The following PLEKHG4B variants were observed in gnomAD, a reference collection of about 807,000 sequenced individuals.
PLEKHG4B encodes the protein pleckstrin homology and RhoGEF domain containing G4B.
Under a neutral mutation model 121.3 loss-of-function variants are expected in PLEKHG4B, and 111 were observed. The observed-to-expected ratio is 0.92, with a 90% CI of 0.78 to 1.07. PLEKHG4B has a LOEUF of 1.07. Among genes scored for constraint, PLEKHG4B ranks in the 50% least tolerant of loss-of-function variants. PLEKHG4B has a pLI of 0.00. For synonymous variants in PLEKHG4B, 738 were observed against 725.0 expected, an observed-to-expected ratio of 1.02 and a Z score of -0.29; for missense variants, 1,831 against 1,757.8, an observed-to-expected ratio of 1.04 and a Z score of -0.74.
chr5:92,687 G>T (rs539012608), intron 1 of PLEKHG4B, among the ~76,000 whole-genome samples: 1 of 151,800 alleles, frequency 6.6e-6, no homozygotes, highest in African/African-American at 2.4e-5. Context: ...AAGAAATAAC[G>T]CTTTCTGGAC....
intron 1 of PLEKHG4B, among the ~76,000 whole-genome samples, chr5:92,892 T>C (rs966005928): frequency 2.0e-5 from 3 of 152,144 alleles, no homozygotes; most frequent in African/African-American, 7.2e-5. Flanking sequence ...GCTAGTTGAT[T>C]TGAGTAAGAA....
In PLEKHG4B at chr5:152,699, T is replaced by C. The variant is rs1319650689; in HGVS notation, c.1992+1100T>C. Among the ~76,000 whole-genome samples the C allele has an allele frequency of 1.8e-4, 27 of 152,198 alleles. 1 individual carries two copies. Among genetic ancestry groups the C allele is most frequent in the Admixed American group, 1.8e-3 (27 of 15,278 alleles). ...CACTGGCTCCTTACTCTGTCATCTC[T>C]TCAGCTGTTAAACTCACTAATGTGG... On this transcript the variant is annotated intron_variant, in intron 7 of 19. Transcript: ENST00000637938.
rs1735117539 is a variant in PLEKHG4B at position 140,278 on chromosome 5, C to T, written c.1039C>T (p.Gln347Ter). The change falls in exon 3 of 20, where the codon CAG becomes TAG. Residue 347 changes from glutamine to a stop codon, truncating the protein, a stop_gained. Transcript: ENST00000637938. LOFTEE classifies it high-confidence loss of function. ...RRPPGDPTCV[Q>*]PRRWFRESYM... The stretch of plus-strand genomic sequence containing the variant: ...GCCGCCGGGGGACCCCACTTGTGTG[C>T]AGCCTAGACGCTGGTTCAGGGAGTC... The T allele has an allele frequency of 1.4e-6, 2 of 1,463,558 alleles. No individual in the cohort carries two copies. The highest frequency in any genetic ancestry group is 4.9e-5 in the East Asian group (2 of 40,438). 90.7% of individuals were successfully genotyped at this position (1,463,558 alleles called of 1,614,324 possible). A position where few individuals can be genotyped will look rare whatever the true frequency, so the allele number is the denominator to read the frequency against.
chr5:144,341 T>C (rs1368017266), intron 5 of PLEKHG4B: 1 of 152,770 alleles, frequency 6.5e-6, no homozygotes, highest in African/African-American at 2.4e-5. Context: ...GATGGTATTT[T>C]TAGTTTTAAA....
In PLEKHG4B at chr5:186,437, T is replaced by G. The variant is rs1733629825; in HGVS notation, c.*4114T>G. 6.6e-6 allele frequency: 1 copy of G among 152,260 alleles called. No individual in the cohort carries two copies. Among genetic ancestry groups the G allele is most frequent in the African/African-American group, 2.4e-5 (1 of 41,454 alleles). The allele number at this position is 152,260 out of a possible 1,614,324, so 9.4% of individuals were successfully genotyped here. On this transcript the variant is annotated 3_prime_UTR_variant, in exon 20 of 20. Transcript: ENST00000637938. ...TTCTGGACCCGTGAGCTGAAGCAGG[T>G]GCTGAGAAGTGGGAGAGGCGGCCAC... is the stretch of plus-strand genomic sequence containing the variant.
At chr5:140,837 ACCACAACCTCCCCTGCACACCC>A in intron 3 of PLEKHG4B, 121 bp downstream of exon 3, 1 of 324,234 alleles carries the variant, frequency 3.1e-6, no homozygotes, top group Non-Finnish European at 4.8e-6. Context: ...CCTGCACACC[ACCACAACCTCCCCTGCACACCC>A]CCACCCTCTC....
intron 2 of PLEKHG4B, among the ~76,000 whole-genome samples, chr5:129,896 A>G (rs1443546908): frequency 6.6e-6 from 1 of 152,222 alleles, no homozygotes; most frequent in African/African-American, 2.4e-5. Flanking sequence ...GGAATGTACA[A>G]CTTAGAATGT....
intron 1 of PLEKHG4B, among the ~76,000 whole-genome samples, chr5:95,443 T>C (rs1733603475): frequency 6.6e-6 from 1 of 152,192 alleles, no homozygotes; most frequent in Non-Finnish European, 1.5e-5. Flanking sequence ...GGGGAGGGTC[T>C]GCATACGATG....
intron 18 of PLEKHG4B, among the ~76,000 whole-genome samples, chr5:177,902 C>T (rs1560956753): frequency 1.3e-5 from 2 of 152,168 alleles, no homozygotes; most frequent in East Asian, 1.9e-4. Flanking sequence ...GTTGGGGGAA[C>T]GTGAGGATGC....
rs1318264172 is a variant in PLEKHG4B at position 159,200 on chromosome 5, G to A, written c.2487+2289G>A. Reference sequence around the variant, plus strand: ...GCACTGAGAGCAGGTGTGCCTGAGGGTGGCCCAGGTGTGCCTGAGGGTCGC... The same window carrying A: ...GCACTGAGAGCAGGTGTGCCTGAGGATGGCCCAGGTGTGCCTGAGGGTCGC... On this transcript the variant is annotated intron_variant, in intron 11 of 19. Transcript: ENST00000637938. This position sits in a 1 kb window ranked among gnomAD's most constrained non-coding sequence, Gnocchi z 5.5. 6.6e-6 allele frequency among the ~76,000 whole-genome samples: 1 copy of A among 151,350 alleles called. No individual in the cohort carries two copies. The highest frequency in any genetic ancestry group is 1.5e-5 in the Non-Finnish European group (1 of 67,820).
At chr5:162,620 C>G in intron 12 of PLEKHG4B, 102 bp from the exon 13 acceptor site, 1 of 876,440 alleles carries the variant, frequency 1.1e-6, no homozygotes. Flanking sequence ...TTTCTGGCCC[C>G]CTGGTCCCTG....
At chr5:168,950 A>T (rs1231389103) in intron 13 of PLEKHG4B, 1 of 212,838 alleles carries the variant, frequency 4.7e-6, no homozygotes, top group East Asian at 1.4e-4. Context: ...ATCTCGCCTC[A>T]CTGCAGCATC....
At position 113,321 on chromosome 5, in the gene PLEKHG4B, C is replaced by T; in HGVS notation, c.116C>T (p.Ala39Val). The change falls in exon 2 of 20, where the codon GCA becomes GTA. Residue 39 changes from alanine to valine, a missense_variant. Ala to Val is a moderately conservative substitution (Grantham distance 64). Transcript: ENST00000637938. This position sits in a 1 kb window ranked among gnomAD's most constrained non-coding sequence, Gnocchi z 5.2. ...TTGTACCCACCGTTTGAAGCCACGG[C>T]AGCCACGGTGCTCTGGCAGCTGTTC... ...SALYPPFEAT[A>V]ATVLWQLFSV... The T allele has an allele frequency of 2.5e-6, 1 of 399,110 alleles. No homozygotes were observed. The highest frequency in any genetic ancestry group is 3.6e-5 in the East Asian group (1 of 28,080). The allele number at this position is 399,110 out of a possible 1,614,324, so 24.7% of individuals were successfully genotyped here.
intron 1 of PLEKHG4B, among the ~76,000 whole-genome samples, chr5:112,494 G>C (rs1033101639): frequency 6.6e-6 from 1 of 152,176 alleles, no homozygotes; most frequent in African/African-American, 2.4e-5. Flanking sequence ...GAGCCTTGTG[G>C]TATTTCCTCA....
In PLEKHG4B at chr5:140,724, C is replaced by T. The variant is rs1467665010; in HGVS notation, c.1477+8C>T. ...GCTGCACCAAAGAGGAAGGTAAATG[C>T]TCCCCACGCCCTCCCCTGCGCACCC... On this transcript the variant is annotated splice_region_variant and intron_variant, in intron 3 of 19. Transcript: ENST00000637938. 1.3e-6 allele frequency: 2 copies of T among 1,543,716 alleles called. No individual in the cohort carries two copies. The highest frequency in any genetic ancestry group is 2.8e-5 in the African/African-American group (2 of 70,274).
intron 1 of PLEKHG4B, among the ~76,000 whole-genome samples, chr5:101,004 A>G (rs1733790106): frequency 3.5e-5 from 3 of 86,106 alleles, no homozygotes; most frequent in South Asian, 9.5e-4. Flanking sequence ...GACTGTTGTG[A>G]GGTAAATCCA....
intron 7 of PLEKHG4B, among the ~76,000 whole-genome samples, chr5:154,045 C>T (rs899412251): frequency 6.6e-6 from 1 of 150,932 alleles, no homozygotes; most frequent in African/African-American, 2.4e-5. Flanking sequence ...CGTTCTATGT[C>T]GCCAGGCTGG....
intron 1 of PLEKHG4B, among the ~76,000 whole-genome samples, chr5:93,696 TG>T (rs35865226): frequency 1.3e-5 from 2 of 152,114 alleles, no homozygotes; most frequent in Non-Finnish European, 2.9e-5. Flanking sequence ...CTGGCCTTTC[TG>T]GGGGGTGGGT....
intron 17 of PLEKHG4B, 145 bp from the exon 18 acceptor site, chr5:173,773 T>C: frequency 1.1e-6 from 1 of 875,914 alleles, no homozygotes. Flanking sequence ...TCGTGAGCAG[T>C]GTGGTCTCGC....
Sources: allele counts gnomAD v4.1 joint callset (sites outside exome capture counted in the v4.1 genomes callset), GRCh38; gene constraint gnomAD v4.1.1; non-coding constraint Gnocchi (gnomAD v3.1); transcripts MANE v1.5; gene names NCBI Gene and HGNC (gene_info 2026-07-23, HGNC 2026-07-21).